ADAM2: variants seen among roughly 807,000 people sequenced by gnomAD.
ADAM2 encodes the protein disintegrin and metalloproteinase domain-containing protein 2.
Under a neutral mutation model 99.3 loss-of-function variants are expected in ADAM2, and 101 were observed. The observed-to-expected ratio is 1.02, with a 90% CI of 0.87 to 1.20. The LOEUF is 1.20. Among genes scored for constraint, ADAM2 ranks in the 50% most tolerant of loss-of-function variants. ADAM2 has a pLI of 0.00. For synonymous variants in ADAM2, 323 were observed against 287.6 expected, an observed-to-expected ratio of 1.12 and a Z score of -1.25; for missense variants, 948 against 878.7, an observed-to-expected ratio of 1.08 and a Z score of -1.00.
chr8:39,749,976 C>T (rs1823658656), intron 16 of ADAM2, among the ~76,000 whole-genome samples: 1 of 151,954 alleles, frequency 6.6e-6, no homozygotes, highest in South Asian at 2.1e-4. Flanking sequence ...AGCTTCTTCC[C>T]TGCTTAGACT....
chr8:39,827,756 A>G (rs1805468069), intron 3 of ADAM2, among the ~76,000 whole-genome samples: 1 of 152,118 alleles, frequency 6.6e-6, no homozygotes, highest in Non-Finnish European at 1.5e-5. Flanking sequence ...TGATGGTTAA[A>G]GAGAAGAAAG....
intron 16 of ADAM2, among the ~76,000 whole-genome samples, chr8:39,754,017 G>A (rs1223014759): frequency 6.6e-6 from 1 of 152,044 alleles, no homozygotes; most frequent in African/African-American, 2.4e-5. Flanking sequence ...ATCATCCCAG[G>A]TCCTTTCTGA....
At chr8:39,800,239 G>A (rs190596394) in intron 7 of ADAM2, among the ~76,000 whole-genome samples, 1 of 152,168 alleles carries the variant, frequency 6.6e-6, no homozygotes, top group East Asian at 1.9e-4. Flanking sequence ...AAATCCCTCA[G>A]CATTTGCTTG....
intron 2 of ADAM2, among the ~76,000 whole-genome samples, chr8:39,836,553 G>T (rs1438279513): frequency 6.6e-6 from 1 of 151,432 alleles, no homozygotes; most frequent in African/African-American, 2.4e-5. Flanking sequence ...AAAAAAAATT[G>T]ATGTCTCAAG....
At chr8:39,746,712 CA>C in intron 18 of ADAM2, 81 bp from the exon 19 acceptor site, 3 of 1,087,604 alleles carry the variant, frequency 2.8e-6, no homozygotes, top group Non-Finnish European at 3.9e-6. Context: ...CTACGTCTAC[CA>C]AAATAAAATC....
Position 39,838,110 on chromosome 8 carries a change from A to G in ADAM2, c.55+21T>C, listed in dbSNP as rs776070906. ...AGCGCTGAGGGTCCCAAAAGGCCAG[A>G]GGAGGGGTTTTTCTGCTTACTACTG... On this transcript the variant is annotated intron_variant, in intron 1 of 20. Coordinates refer to ENST00000265708, the MANE Select transcript of ADAM2 (RefSeq NM_001464.5). 11 of 1,613,738 alleles carry G rather than the reference A, an allele frequency of 6.8e-6. 1 individual carries two copies. The highest frequency in any genetic ancestry group is 3.3e-4 in the Middle Eastern group (2 of 6,072).
chr8:39,826,111 TA>T (rs1337092834), intron 3 of ADAM2, among the ~76,000 whole-genome samples: 26 of 152,314 alleles, frequency 1.7e-4, no homozygotes, highest in African/African-American at 6.0e-4. Context: ...CCTCCTTCAT[TA>T]AATTTGTCTA....
chr8:39,813,185 G>C (rs1804775902), intron 6 of ADAM2, among the ~76,000 whole-genome samples: 1 of 152,112 alleles, frequency 6.6e-6, no homozygotes, highest in African/African-American at 2.4e-5. Flanking sequence ...ATCATCACTG[G>C]CCATCAGAGA....
At chr8:39,746,232 G>A (rs893774896) in intron 19 of ADAM2, among the ~76,000 whole-genome samples, 7 of 151,982 alleles carry the variant, frequency 4.6e-5, no homozygotes, top group African/African-American at 1.7e-4. Flanking sequence ...TCATCATGTT[G>A]CCCAGGCTTG....
chr8:39,763,502 T>C (rs570289902), intron 14 of ADAM2, among the ~76,000 whole-genome samples: 133 of 152,302 alleles, frequency 8.7e-4, no homozygotes, highest in Middle Eastern at 3.4e-3. Context: ...GGGTGGAGAA[T>C]TAAAATGCTA....
Position 39,743,782 on chromosome 8 carries a change from TATG to T in ADAM2, c.*310_*312del, listed in dbSNP as rs1823334840. ...TAATCATAGTACCACCTCATTACAT[TATG>T]ATATTTCCTTATACCATGCCCCTAC... On this transcript the variant is annotated 3_prime_UTR_variant, in exon 21 of 21. Transcript: ENST00000265708. 6.6e-6 allele frequency: 1 copy of T among 152,172 alleles called. No individual in the cohort carries two copies. Among genetic ancestry groups the T allele is most frequent in the Non-Finnish European group, 1.5e-5 (1 of 67,996 alleles). 9.4% of individuals were successfully genotyped at this position (152,172 alleles called of 1,614,324 possible). A position where few individuals can be genotyped will look rare whatever the true frequency, so the allele number is the denominator to read the frequency against.
intron 16 of ADAM2, among the ~76,000 whole-genome samples, chr8:39,751,670 C>A (rs962538301): frequency 1.3e-5 from 2 of 151,652 alleles, no homozygotes; most frequent in Non-Finnish European, 2.9e-5. Context: ...ATAAAAAAAA[C>A]AATTCTTTTT....
intron 7 of ADAM2, among the ~76,000 whole-genome samples, chr8:39,791,453 A>T (rs544559461): frequency 3.9e-4 from 60 of 152,126 alleles, no homozygotes; most frequent in African/African-American, 1.3e-3. Flanking sequence ...GCTTGTTAGG[A>T]TTCTGCTCTC....
intron 7 of ADAM2, among the ~76,000 whole-genome samples, chr8:39,808,790 C>T (rs1804566414): frequency 6.6e-6 from 1 of 152,078 alleles, no homozygotes; most frequent in Non-Finnish European, 1.5e-5. Flanking sequence ...GTGGTGTGTG[C>T]CTGTAGTCCC....
intron 11 of ADAM2, among the ~76,000 whole-genome samples, chr8:39,772,856 G>A (rs1262679756): frequency 6.6e-6 from 1 of 151,732 alleles, no homozygotes; most frequent in Non-Finnish European, 1.5e-5. Context: ...AAAAAAGTAC[G>A]ATTCGCTAGG....
At chr8:39,828,713 AAAGAG>A (rs1805507120) in intron 3 of ADAM2, among the ~76,000 whole-genome samples, 1 of 151,894 alleles carries the variant, frequency 6.6e-6, no homozygotes, top group African/African-American at 2.4e-5. Flanking sequence ...GCATTTAAAC[AAAGAG>A]AAGAGAACAA....
At chr8:39,837,000 C>T (rs147173208) in intron 2 of ADAM2, 136 bp downstream of exon 2, 564 of 610,968 alleles carry the variant, frequency 9.2e-4, no homozygotes, top group Non-Finnish European at 1.2e-3. Flanking sequence ...TTCAAAAGGG[C>T]TTTTCCATTC....
intron 15 of ADAM2, among the ~76,000 whole-genome samples, chr8:39,759,603 G>A (rs570617632): frequency 6.6e-6 from 1 of 152,184 alleles, no homozygotes; most frequent in South Asian, 2.1e-4. Context: ...AACAAGCACA[G>A]TTTTCAACTT....
intron 14 of ADAM2, among the ~76,000 whole-genome samples, chr8:39,761,989 C>G (rs1174356213): frequency 6.6e-6 from 1 of 152,176 alleles, no homozygotes; most frequent in Non-Finnish European, 1.5e-5. Context: ...GAGGCTGAGG[C>G]AGGAGAATGG....
Sources: allele counts gnomAD v4.1 joint callset (sites outside exome capture counted in the v4.1 genomes callset), GRCh38; gene constraint gnomAD v4.1.1; transcripts MANE v1.5; gene names NCBI Gene and HGNC (gene_info 2026-07-23, HGNC 2026-07-21).